Variants in SAMHD1 observed in about 807,000 individuals in gnomAD.
SAMHD1 encodes deoxynucleoside triphosphate triphosphohydrolase SAMHD1.
A neutral mutation model predicts 79.6 loss-of-function variants in SAMHD1; 54 were observed. The ratio of observed to expected loss-of-function variants is 0.68; its 90% CI spans 0.55 to 0.85. SAMHD1 has a LOEUF of 0.85. Among genes scored for constraint, SAMHD1 ranks in the 40% least tolerant of loss-of-function variants. SAMHD1 has a pLI of 0.00. For synonymous variants in SAMHD1, 260 were observed against 264.1 expected, an observed-to-expected ratio of 0.98 and a Z score of 0.15; for missense variants, 663 against 782.7, an observed-to-expected ratio of 0.85 and a Z score of 1.82.
intron 3 of SAMHD1, chr20:36,935,460 C>G (rs1434582925): frequency 2.2e-6 from 1 of 446,350 alleles, no homozygotes; most frequent in African/African-American, 2.0e-5. Flanking sequence ...ATGTATATGA[C>G]TTAGTCTTTA....
intron 2 of SAMHD1, among the ~76,000 whole-genome samples, chr20:36,945,024 T>C (rs2063676311): frequency 6.6e-6 from 1 of 151,312 alleles, no homozygotes; most frequent in South Asian, 2.1e-4. Context: ...TATGTATGTA[T>C]ATATGTATCT....
At chr20:36,935,410 G>A (rs1234357177) in intron 3 of SAMHD1, 2 of 553,666 alleles carry the variant, frequency 3.6e-6, no homozygotes, top group East Asian at 6.2e-5. Context: ...CTTCCTAATG[G>A]ATGTGAATAA....
Position 36,951,577 on chromosome 20 carries a change from A to C in SAMHD1, c.67T>G (p.Ser23Ala). 1 of 1,614,040 alleles carries C rather than the reference A, an allele frequency of 6.2e-7. No homozygotes were observed. The part of the protein sequence containing the change: ...PRCDDSPRTP[S>A]NTPSAEADWS... ...TCTGCCTCTGCGGAAGGGGTGTTTG[A>C]GGGGGTTCTCGGGCTGTCATCGCAA... The change falls in exon 1 of 16, where the codon TCA becomes GCA. Residue 23 changes from serine (S) to alanine (A), a missense_variant. Ser to Ala is a moderately conservative substitution (Grantham distance 99, BLOSUM62 1). Transcript: ENST00000646673.
At chr20:36,923,463 A>G (rs1472478084) in intron 6 of SAMHD1, among the ~76,000 whole-genome samples, 1 of 152,076 alleles carries the variant, frequency 6.6e-6, no homozygotes, top group Non-Finnish European at 1.5e-5. Flanking sequence ...TAAATAAAGT[A>G]AGGGATTTTC....
chr20:36,913,606 G>GA (rs796926123), intron 9 of SAMHD1, among the ~76,000 whole-genome samples: 249 of 112,204 alleles, frequency 2.2e-3, no homozygotes, highest in Non-Finnish European at 2.6e-3. Context: ...CCAACTCAAA[G>GA]AAAAAAAAAA....
chr20:36,925,893 T>A (rs2063533138), intron 6 of SAMHD1, among the ~76,000 whole-genome samples: 1 of 152,180 alleles, frequency 6.6e-6, no homozygotes, highest in Non-Finnish European at 1.5e-5. Context: ...TACAACCGCA[T>A]TGGAAAACTC....
chr20:36,907,475 C>G (rs2063411643), intron 11 of SAMHD1, among the ~76,000 whole-genome samples: 1 of 151,960 alleles, frequency 6.6e-6, no homozygotes, highest in Admixed American at 6.6e-5. Context: ...AATTAATCTT[C>G]CTGCCTTAGT....
chr20:36,930,726 T>C (rs1280512034), intron 5 of SAMHD1, 34 bp downstream of exon 5: 1 of 1,387,646 alleles, frequency 7.2e-7, no homozygotes, highest in East Asian at 2.3e-5. Flanking sequence ...TGTTATGATT[T>C]TACATAACAA....
intron 9 of SAMHD1, among the ~76,000 whole-genome samples, chr20:36,914,736 G>A (rs1685803442): frequency 6.6e-6 from 1 of 151,690 alleles, no homozygotes; most frequent in Admixed American, 6.6e-5. Context: ...ATGGGGCGTG[G>A]CGGCTCACAC....
At position 36,912,315 on chromosome 20, in the gene SAMHD1, AT is replaced by A; in HGVS notation, c.1154+145del. The A allele has an allele frequency of 1.2e-5, 8 of 648,988 alleles. 1 individual carries two copies. The highest frequency in any genetic ancestry group is 1.2e-4 in the South Asian group (7 of 58,478). The allele number at this position is 648,988 out of a possible 1,614,324, so 40.2% of individuals were successfully genotyped here. On this transcript the variant is annotated intron_variant, in intron 10 of 15. Transcript: ENST00000646673. ...TCCAACTAAATTAACTTTATGCTAG[AT>A]TTTTTTTCTTTAAGGAAACCATTTT...
At chr20:36,950,641 G>A (rs182176469) in intron 1 of SAMHD1, among the ~76,000 whole-genome samples, 1 of 152,166 alleles carries the variant, frequency 6.6e-6, no homozygotes, top group Non-Finnish European at 1.5e-5. Flanking sequence ...CTTCTCCAGG[G>A]GATGTGGCCA....
At position 36,951,533 on chromosome 20, in the gene SAMHD1, T is replaced by A; in HGVS notation, c.111A>T (p.Glu37Asp). 1 of 1,614,052 alleles carries A rather than the reference T, an allele frequency of 6.2e-7. No individual in the cohort carries two copies. The highest frequency in any genetic ancestry group is 8.5e-7 in the Non-Finnish European group (1 of 1,179,978). ...SAEADWSPGL[E>D]LHPDYKTWGP... ...CCCATGTCTTGTAGTCGGGATGGAG[T>A]TCCAGGCCCGGGGACCAGTCTGCCT... The change falls in exon 1 of 16, where the codon GAA becomes GAT. Residue 37 changes from glutamate to aspartate, a missense_variant. Physicochemically the swap from Glu to Asp is conservative, Grantham distance 45. Coordinates refer to ENST00000646673, the MANE Select transcript of SAMHD1 (RefSeq NM_015474.4).
chr20:36,897,628 A>G (rs1990221099), intron 15 of SAMHD1, 194 bp downstream of exon 15: 2 of 649,742 alleles, frequency 3.1e-6, no homozygotes, highest in African/African-American at 1.8e-5. Flanking sequence ...TCCATTCCCA[A>G]CTCCTGTAGG....
chr20:36,921,750 G>T (rs1423195779), intron 6 of SAMHD1, among the ~76,000 whole-genome samples: 4 of 150,394 alleles, frequency 2.7e-5, no homozygotes, highest in Admixed American at 6.7e-5. Context: ...GTGAAATGGC[G>T]TGATCTTGGC....
chr20:36,933,636 G>A (rs961484977), intron 4 of SAMHD1, among the ~76,000 whole-genome samples: 7 of 151,974 alleles, frequency 4.6e-5, no homozygotes, highest in South Asian at 2.1e-4. Flanking sequence ...TAGCTGCAGC[G>A]TGCGCCACCA....
intron 2 of SAMHD1, among the ~76,000 whole-genome samples, chr20:36,941,751 A>C (rs1329784159): frequency 6.6e-6 from 1 of 152,120 alleles, no homozygotes; most frequent in Non-Finnish European, 1.5e-5. Context: ...CAGATTGAAA[A>C]AAAAGTATCT....
At chr20:36,916,404 G>A (rs2063475641) in intron 9 of SAMHD1, 1 of 332,460 alleles carries the variant, frequency 3.0e-6, no homozygotes, top group African/African-American at 2.2e-5. Context: ...GGCTGAGGAG[G>A]GAGGATCACT....
chr20:36,893,664 T>G (rs1310364499), intron 15 of SAMHD1: 2 of 387,576 alleles, frequency 5.2e-6, no homozygotes. Context: ...AATACTTGAC[T>G]CTATGCTAAA....
intron 13 of SAMHD1, 150 bp downstream of exon 13, chr20:36,904,007 G>C (rs923820912): frequency 8.0e-6 from 5 of 625,672 alleles, no homozygotes; most frequent in Non-Finnish European, 1.2e-5. Flanking sequence ...AAATGTTTTT[G>C]TGGTTAATAA....
Sources: allele counts gnomAD v4.1 joint callset (sites outside exome capture counted in the v4.1 genomes callset), GRCh38; gene constraint gnomAD v4.1.1; transcripts MANE v1.5; gene names NCBI Gene and HGNC (gene_info 2026-07-23, HGNC 2026-07-21).